DNAJC10: variants seen among roughly 807,000 people sequenced by gnomAD.
DNAJC10 encodes the protein endoplasmic reticulum disulfide reductase DNAJC10.
A neutral mutation model predicts 115.0 loss-of-function variants in DNAJC10; 101 were observed. The ratio of observed to expected loss-of-function variants is 0.88; its 90% confidence interval spans 0.75 to 1.04. The LOEUF (loss-of-function observed/expected upper bound fraction) is 1.04, where lower values mean the gene tolerates loss of function less well. DNAJC10 is among the 50% of genes least tolerant of loss of function. DNAJC10 has a pLI of 0.00. For synonymous variants in DNAJC10, 307 were observed against 301.5 expected (o/e 1.02, Z -0.19); for missense variants, 981 against 928.8 (o/e 1.06, Z -0.73).
chr2:182,725,565 C>G (rs532421910), intron 5 of DNAJC10, among the ~76,000 whole-genome samples: 1 of 152,284 alleles, frequency 6.6e-6, no homozygotes, highest in African/African-American at 2.4e-5. Context: ...ATCAAATTAT[C>G]TACAACATCC....
rs1243650725 is a variant in DNAJC10, at chr2:182,779,918, C to G, written c.*2786C>G. ...ATAGAATATTTGTGTAATATTTAGT[C>G]TAGTGTTAGTCCTTAAATCTGCCAA... On this transcript the variant is annotated 3_prime_UTR_variant, in exon 24 of 24. Transcript: ENST00000264065. The G allele has an allele frequency of 6.6e-6, 1 of 152,032 alleles. No individual in the cohort carries two copies. Among genetic ancestry groups the G allele is most frequent in the East Asian group, 1.9e-4 (1 of 5,186 alleles). 9.4% of individuals were successfully genotyped at this position (152,032 alleles called of 1,614,324 possible).
rs765105078 is a variant in DNAJC10 at position 182,718,056 on chromosome 2, C to T, written c.-31C>T. ...GGAACCAGCAGTGAATCTTAATGTT[C>T]ACTTAAATCAGAACTTGCATAAGAA... On this transcript the variant is annotated 5_prime_UTR_variant, in exon 3 of 24. Transcript: ENST00000264065. The T allele has an allele frequency of 6.6e-7, 1 of 1,517,632 alleles. No individual in the cohort carries two copies. The highest frequency in any genetic ancestry group is 9.0e-7 in the Non-Finnish European group (1 of 1,115,038). 94.0% of individuals were successfully genotyped at this position (1,517,632 alleles called of 1,614,324 possible).
chr2:182,793,586 C>T lies in DNAJC10; in HGVS notation c.*16454C>T, dbSNP rs1249971678. The T allele has an allele frequency of 2.0e-5, 3 of 152,010 alleles. No homozygotes were observed. The highest frequency in any genetic ancestry group is 7.2e-5 in the African/African-American group (3 of 41,380). The allele number at this position is 152,010 out of a possible 1,614,324, so 9.4% of individuals were successfully genotyped here. A position where few individuals can be genotyped will look rare whatever the true frequency, so the allele number is the denominator to read the frequency against. On this transcript the variant is annotated 3_prime_UTR_variant, in exon 24 of 24. Coordinates refer to ENST00000264065, the MANE Select transcript of DNAJC10 (RefSeq NM_018981.4). ...TGATTGGTTACAGATAGGCATTTGC[C>T]TTATTTGGACATGGTCTGCTCCAAA...
intron 12 of DNAJC10, 105 bp downstream of exon 12, chr2:182,740,493 G>C (rs1195142608): frequency 2.7e-6 from 3 of 1,099,578 alleles, no homozygotes; most frequent in Non-Finnish European, 3.7e-6. Flanking sequence ...AGAGAGAATT[G>C]AAAGTAGCAG....
At chr2:182,774,799 CT>C (rs951437274) in intron 22 of DNAJC10, among the ~76,000 whole-genome samples, 2 of 137,206 alleles carry the variant, frequency 1.5e-5, no homozygotes, top group Non-Finnish European at 3.1e-5. Context: ...ACCCTTTGCA[CT>C]TCCCGGGTGA....
rs773674079 is a variant in DNAJC10, at chr2:182,728,642, A to G, written c.485A>G (p.His162Arg). 16 of 1,612,426 alleles carry G rather than the reference A, an allele frequency of 9.9e-6. No homozygotes were observed. Among genetic ancestry groups the G allele is most frequent in the Non-Finnish European group, 1.3e-5 (15 of 1,178,946 alleles). Reference protein sequence around the residue: ...NFYSPGCSHCHDLAPTWRDFA... With the variant: ...NFYSPGCSHCRDLAPTWRDFA... Reference sequence around the variant, plus strand: ...TACTCCCCAGGCTGTTCACACTGCCATGATTTAGCTCCCACAGTATGTATT... The same window carrying G: ...TACTCCCCAGGCTGTTCACACTGCCGTGATTTAGCTCCCACAGTATGTATT... The change falls in exon 6 of 24, where the codon CAT (histidine) becomes CGT (arginine). Residue 162 changes from histidine to arginine, a missense_variant. His to Arg is a conservative substitution (Grantham distance 29, BLOSUM62 0). Coordinates refer to ENST00000264065, the MANE Select transcript of DNAJC10 (RefSeq NM_018981.4).
rs1274441130 is a variant in DNAJC10 at position 182,756,400 on chromosome 2, G to A, written c.1740G>A (p.Met580Ile). The A allele has an allele frequency of 5.0e-6, 8 of 1,613,998 alleles. No homozygotes were observed. Among genetic ancestry groups the A allele is most frequent in the East Asian group, 2.2e-5 (1 of 44,854 alleles). ...VTQRKHNEVW[M>I]VDFYSPWCHP... ...AAAGAAAACACAACGAAGTCTGGATGGTTGATTTCTATTCTCCGTGGTGTC... is the reference window on the plus strand; with the variant it reads ...AAAGAAAACACAACGAAGTCTGGATAGTTGATTTCTATTCTCCGTGGTGTC... Residue 580 changes from methionine to isoleucine, a missense_variant, in exon 18 of 24, where the codon ATG becomes ATA. Coordinates refer to ENST00000264065, the MANE Select transcript of DNAJC10 (RefSeq NM_018981.4).
At chr2:182,749,794 A>G (rs939908620) in intron 14 of DNAJC10, among the ~76,000 whole-genome samples, 1 of 152,212 alleles carries the variant, frequency 6.6e-6, no homozygotes, top group Non-Finnish European at 1.5e-5. Context: ...AACATGTATT[A>G]ATTCACAGTT....
intron 14 of DNAJC10, among the ~76,000 whole-genome samples, chr2:182,745,620 A>C (rs1693841978): frequency 6.6e-6 from 1 of 152,196 alleles, no homozygotes; most frequent in African/African-American, 2.4e-5. Context: ...TGTGAACTAT[A>C]CTTAGTAATC....
chr2:182,757,709 C>G lies in DNAJC10; in HGVS notation c.1827C>G (p.Ile609Met), dbSNP rs2105680498. 1 of 1,574,804 alleles carries G rather than the reference C, an allele frequency of 6.3e-7. No individual in the cohort carries two copies. The highest frequency in any genetic ancestry group is 1.2e-5 in the South Asian group (1 of 82,106). The change falls in exon 19 of 24, where the codon ATC (isoleucine) becomes ATG (methionine). Residue 609 changes from isoleucine (I) to methionine (M), a missense_variant. Ile to Met is a conservative substitution (Grantham distance 10). Coordinates refer to ENST00000264065, the MANE Select transcript of DNAJC10 (RefSeq NM_018981.4). Reference protein sequence around the residue: ...KRMARTLTGLINVGSIDCQQY... With the variant: ...KRMARTLTGLMNVGSIDCQQY... ...TTTTACAGACATTAACTGGACTGAT[C>G]AACGTGGGCAGTATAGATTGCCAAC...
intron 16 of DNAJC10, 87 bp from the exon 17 acceptor site, chr2:182,754,916 T>C (rs915100562): frequency 1.5e-6 from 2 of 1,314,734 alleles, no homozygotes; most frequent in Non-Finnish European, 2.1e-6. Context: ...AATCTTGTTC[T>C]TGTTACTTAA....
At chr2:182,769,666 TG>T (rs539564666) in intron 22 of DNAJC10, among the ~76,000 whole-genome samples, 1 of 152,078 alleles carries the variant, frequency 6.6e-6, no homozygotes, top group Middle Eastern at 3.2e-3. Flanking sequence ...CACTTTTTGA[TG>T]GGTTTTTTTT....
chr2:182,780,004 A>G lies in DNAJC10; in HGVS notation c.*2872A>G, dbSNP rs912795618. Reference sequence around the variant, plus strand: ...ATTCCATTGTGACTGTTAAGAAATAATAAAAGATTAAATTAACAAAATGCA... The same window carrying G: ...ATTCCATTGTGACTGTTAAGAAATAGTAAAAGATTAAATTAACAAAATGCA... On this transcript the variant is annotated 3_prime_UTR_variant, in exon 24 of 24. Transcript: ENST00000264065. The G allele has an allele frequency of 2.6e-5, 4 of 152,218 alleles. No homozygotes were observed. Among genetic ancestry groups the G allele is most frequent in the Admixed American group, 2.6e-4 (4 of 15,274 alleles). The allele number at this position is 152,218 out of a possible 1,614,324, so 9.4% of individuals were successfully genotyped here. A position where few individuals can be genotyped will look rare whatever the true frequency, so the allele number is the denominator to read the frequency against.
At chr2:182,753,071 A>G (rs1694065350) in intron 16 of DNAJC10, among the ~76,000 whole-genome samples, 3 of 152,202 alleles carry the variant, frequency 2.0e-5, no homozygotes, top group Admixed American at 6.5e-5. Context: ...TACTTTGGTT[A>G]TATGGAGGGG....
In DNAJC10 at chr2:182,729,066, G is replaced by A. The variant is rs1256518264; in HGVS notation, c.633+72G>A. 1.1e-5 allele frequency: 16 copies of A among 1,466,890 alleles called. No individual in the cohort carries two copies. The South Asian group carries it at 1.6e-4, about 15-fold the overall frequency. 90.9% of individuals were successfully genotyped at this position (1,466,890 alleles called of 1,614,324 possible). ...AAGTTAAATAGTAGAGAAAATAACA[G>A]TATGTAGAATTTGCAGAACATTTTA... is the stretch of plus-strand genomic sequence containing the variant. On this transcript the variant is annotated intron_variant, in intron 7 of 23. Transcript: ENST00000264065.
chr2:182,737,007 C>T (rs1008421434), intron 11 of DNAJC10, among the ~76,000 whole-genome samples: 4 of 152,224 alleles, frequency 2.6e-5, no homozygotes, highest in Non-Finnish European at 5.9e-5. Flanking sequence ...ATCTCGGCCT[C>T]CCAGAGAGCT....
intron 19 of DNAJC10, among the ~76,000 whole-genome samples, chr2:182,758,408 A>G (rs1694210119): frequency 6.6e-6 from 1 of 152,204 alleles, no homozygotes; most frequent in South Asian, 2.1e-4. Context: ...AAAATGAACC[A>G]TGGATTTCAA....
intron 22 of DNAJC10, among the ~76,000 whole-genome samples, chr2:182,770,241 G>A (rs1415325661): frequency 3.9e-5 from 6 of 152,138 alleles, no homozygotes; most frequent in Admixed American, 6.5e-5. Context: ...TTTGAAGAAA[G>A]GTACTGTGAT....
chr2:182,725,098 G>C (rs1340355592), intron 5 of DNAJC10, among the ~76,000 whole-genome samples: 2 of 151,816 alleles, frequency 1.3e-5, no homozygotes, highest in Non-Finnish European at 2.9e-5. Context: ...TTATTATTCT[G>C]TCTGTTACAG....
Sources: gnomAD v4.1 joint callset for allele counts (sites outside exome capture counted in the v4.1 genomes callset) on GRCh38, gnomAD v4.1.1 for gene constraint, MANE v1.5 for transcripts, NCBI Gene and HGNC (gene_info 2026-07-23, HGNC 2026-07-21) for gene names.